Variants in CORO2B observed in about 807,000 individuals in gnomAD.
The protein encoded by CORO2B is coronin 2B, also known as coronin-2B.
In CORO2B, 26 loss-of-function variants were observed where a neutral mutation model predicts 58.8. The ratio of observed to expected loss-of-function variants is 0.44; its 90% CI spans 0.32 to 0.61. CORO2B has a LOEUF of 0.61. Among genes scored for constraint, CORO2B ranks in the 20% least tolerant of loss-of-function variants. The pLI is 0.04. For synonymous variants in CORO2B, 242 were observed against 253.8 expected (o/e 0.95, Z 0.44); for missense variants, 460 against 645.1 (o/e 0.71, Z 3.11).
In CORO2B at chr15:68,579,006, C is replaced by T. The variant is rs1410671849; in HGVS notation, c.-257C>T. 2.0e-6 allele frequency: 2 copies of T among 984,876 alleles called. No homozygotes were observed. The highest frequency in any genetic ancestry group is 1.7e-5 in the African/African-American group (1 of 57,160). The allele number at this position is 984,876 out of a possible 1,614,324, so 61.0% of individuals were successfully genotyped here. On this transcript the variant is annotated 5_prime_UTR_variant, in exon 1 of 12. Transcript: ENST00000261861. Reference sequence around the variant, plus strand: ...CTCTCTCCCTTTCTTCCTGCCTCGCCTTCCTGCGGCGAAGGAGGCTCATCT... The same window carrying T: ...CTCTCTCCCTTTCTTCCTGCCTCGCTTTCCTGCGGCGAAGGAGGCTCATCT...
intron 1 of CORO2B, chr15:68,641,688 A>ATG (rs1413015578): frequency 3.2e-6 from 2 of 617,028 alleles, no homozygotes. Context: ...GCTCCTCCCA[A>ATG]GCCCTTGGAG....
chr15:68,600,487 G>A (rs1018474192), intron 1 of CORO2B, among the ~76,000 whole-genome samples: 5 of 152,162 alleles, frequency 3.3e-5, no homozygotes, highest in Non-Finnish European at 7.3e-5. Context: ...TGGGGTCCTA[G>A]ACCTGGGTAC....
the CORO2B span, among the ~76,000 whole-genome samples, chr15:68,560,657 T>A: frequency 6.6e-6 from 1 of 152,172 alleles, no homozygotes; most frequent in South Asian, 2.1e-4. Flanking sequence ...CTCCTGTCTC[T>A]CTAAGCACTG....
rs1892894622 is a variant in CORO2B at position 68,710,749 on chromosome 15, C to A, written c.351C>A (p.Ile117=). ...CTCTGCAGGTGCGGATCTGGGAGAT[C>A]CCCGAGGGCGGGCTGAAGCGGAACA... ...SEDTSVRIWE[I]PEGGLKRNMT... is the part of the protein sequence containing the mutation. The change falls in exon 4 of 12, where the codon ATC becomes ATA. Residue 117 remains isoleucine, a synonymous_variant. Coordinates refer to ENST00000261861, the MANE Select transcript of CORO2B (RefSeq NM_006091.5). The surrounding 1 kb of genome is among the most constrained non-coding windows in gnomAD (Gnocchi z 4.1). 6.2e-7 allele frequency: 1 copy of A among 1,608,562 alleles called. No individual in the cohort carries two copies. The highest frequency in any genetic ancestry group is 1.3e-5 in the African/African-American group (1 of 74,992).
intron 2 of CORO2B, among the ~76,000 whole-genome samples, chr15:68,686,060 G>A (rs1436811864): frequency 2.2e-5 from 3 of 134,776 alleles, no homozygotes; most frequent in Middle Eastern, 4.1e-3. Context: ...TTTTTGAGAC[G>A]GAGTTTTACT....
At chr15:68,579,350 C>T (rs1899360273) in intron 1 of CORO2B, 73 bp downstream of exon 1, 10 of 1,222,996 alleles carry the variant, frequency 8.2e-6, no homozygotes, top group Admixed American at 4.4e-5. Flanking sequence ...GCGGGGGGCG[C>T]GGGGGTGTGG....
intron 1 of CORO2B, among the ~76,000 whole-genome samples, chr15:68,614,645 G>A (rs570101268): frequency 2.3e-4 from 35 of 152,298 alleles, no homozygotes; most frequent in African/African-American, 8.2e-4. Context: ...GATGTGTCTG[G>A]AGGCTGTGCT....
intron 2 of CORO2B, among the ~76,000 whole-genome samples, chr15:68,691,724 G>A (rs1319623181): frequency 6.6e-6 from 1 of 150,382 alleles, no homozygotes; most frequent in East Asian, 1.9e-4. Context: ...TCTCCTTCCC[G>A]AGTGCAGGGC....
At chr15:68,577,238 C>T (rs1480750854), upstream of CORO2B, among the ~76,000 whole-genome samples, 1 of 152,124 alleles carries the variant, frequency 6.6e-6, no homozygotes, top group Admixed American at 6.5e-5. Context: ...TAGGAATGGA[C>T]CCTGCAGTTC....
chr15:68,705,713 C>T (rs1254529175), intron 3 of CORO2B, among the ~76,000 whole-genome samples: 1 of 152,136 alleles, frequency 6.6e-6, no homozygotes, highest in African/African-American at 2.4e-5. Context: ...TTACCCTGAC[C>T]CCCCATCCCT....
At chr15:68,600,401 C>T (rs1899951619) in intron 1 of CORO2B, among the ~76,000 whole-genome samples, 2 of 152,190 alleles carry the variant, frequency 1.3e-5, no homozygotes, top group South Asian at 4.1e-4. Flanking sequence ...GTGGACTTCC[C>T]TGAGTACACA....
intron 2 of CORO2B, among the ~76,000 whole-genome samples, chr15:68,690,556 T>C (rs1892331908): frequency 6.6e-6 from 1 of 152,150 alleles, no homozygotes; most frequent in Non-Finnish European, 1.5e-5. Context: ...GCACAATTCT[T>C]GCTTAAGATA....
chr15:68,521,538 C>T, the CORO2B span, among the ~76,000 whole-genome samples: 1 of 152,132 alleles, frequency 6.6e-6, no homozygotes, highest in South Asian at 2.1e-4. Context: ...TCTTACATTT[C>T]CTTTTTTGCC....
In CORO2B at chr15:68,645,108, C is replaced by T; in HGVS notation, c.16-52C>T. On this transcript the variant is annotated intron_variant, in intron 1 of 11. Transcript: ENST00000261861. The surrounding 1 kb of genome is among the most constrained non-coding windows in gnomAD (Gnocchi z 4.5). ...CCTCCCCCAAGAGCCCAGCCGAGGC[C>T]CTTCATGGCACAGGGCCCAGCCTGA... The T allele has an allele frequency of 6.3e-7, 1 of 1,582,880 alleles. No individual in the cohort carries two copies. The highest frequency in any genetic ancestry group is 2.3e-5 in the East Asian group (1 of 43,830).
chr15:68,727,538 A>G lies in CORO2B; in HGVS notation c.*1564A>G, dbSNP rs1290990052. On this transcript the variant is annotated 3_prime_UTR_variant, in exon 12 of 12. Transcript: ENST00000261861. ...TACCTGCTTTTCCCATGGCCGCCCTACGGAAAATCCCATCCACAGAGGCCA... is the reference window on the plus strand; with the variant it reads ...TACCTGCTTTTCCCATGGCCGCCCTGCGGAAAATCCCATCCACAGAGGCCA... The G allele has an allele frequency of 3.3e-5, 5 of 152,334 alleles. No individual in the cohort carries two copies. The highest frequency in any genetic ancestry group is 5.9e-5 in the Non-Finnish European group (4 of 68,038). 9.4% of individuals were successfully genotyped at this position (152,334 alleles called of 1,614,324 possible).
chr15:68,641,513 G>A (rs953872921), intron 1 of CORO2B: 68 of 985,010 alleles, frequency 6.9e-5, no homozygotes, highest in Non-Finnish European at 8.1e-5. Context: ...GAGGGTGGAC[G>A]AGGAAGAGGT....
intron 2 of CORO2B, among the ~76,000 whole-genome samples, chr15:68,681,365 G>A (rs80208895): frequency 0.013 from 2,031 of 152,202 alleles, 18 homozygotes; most frequent in South Asian, 0.05. Flanking sequence ...TCTAAAGACC[G>A]TGTCACAAGG....
At chr15:68,650,376 A>ATGG (rs1901602850) in intron 2 of CORO2B, among the ~76,000 whole-genome samples, 3 of 19,046 alleles carry the variant, frequency 1.6e-4, no homozygotes, top group Non-Finnish European at 2.9e-4. Flanking sequence ...AAAAAAAAAA[A>ATGG]AAAAAAAAAA....
intron 1 of CORO2B, among the ~76,000 whole-genome samples, chr15:68,634,604 C>G (rs74958246): frequency 2.0e-5 from 3 of 152,276 alleles, no homozygotes; most frequent in African/African-American, 7.2e-5. Flanking sequence ...AGTCTGGTTC[C>G]GGGACCAATA....
Sources: gnomAD v4.1 joint callset for allele counts (sites outside exome capture counted in the v4.1 genomes callset) on GRCh38, gnomAD v4.1.1 for gene constraint, Gnocchi (gnomAD v3.1) non-coding constraint, MANE v1.5 for transcripts, NCBI Gene and HGNC (gene_info 2026-07-23, HGNC 2026-07-21) for gene names.